DNAH5: variants seen among roughly 807,000 people sequenced by gnomAD.
The protein encoded by DNAH5 is dynein axonemal heavy chain 5.
DNAH5 carries 372 observed loss-of-function variants against 518.2 expected under a neutral mutation model. The ratio of observed to expected loss-of-function variants is 0.72; its 90% CI spans 0.66 to 0.78. DNAH5 has a LOEUF of 0.78. Among genes scored for constraint, DNAH5 ranks in the 30% least tolerant of loss-of-function variants. The pLI, the probability that DNAH5 is intolerant of heterozygous loss-of-function variation, is 0.00. For synonymous variants in DNAH5, 2,039 were observed against 2,025.9 expected, an observed-to-expected ratio of 1.01 and a Z score of -0.17; for missense variants, 5,523 against 5,687.0, an observed-to-expected ratio of 0.97 and a Z score of 0.93.
intron 63 of DNAH5, 148 bp downstream of exon 63, chr5:13,753,085 T>C (rs1345222538): frequency 8.0e-6 from 5 of 626,908 alleles, no homozygotes; most frequent in Non-Finnish European, 1.4e-5. Flanking sequence ...TATTTTTATA[T>C]TAGATTTAAG....
chr5:13,797,825 C>G (rs1245557280), intron 47 of DNAH5, among the ~76,000 whole-genome samples: 1 of 152,106 alleles, frequency 6.6e-6, no homozygotes, highest in Non-Finnish European at 1.5e-5. Flanking sequence ...CAATGATAGA[C>G]TGGATTAAGA....
At chr5:13,943,262 C>A (rs1580996939) in intron 1 of DNAH5, among the ~76,000 whole-genome samples, 2 of 152,122 alleles carry the variant, frequency 1.3e-5, no homozygotes, top group African/African-American at 4.8e-5. Flanking sequence ...TACTATGGAC[C>A]AAGCTCTGTG....
rs778940349 is a variant in DNAH5, at chr5:13,753,594, G to A, written c.10556-45C>T. 1.5e-5 allele frequency: 22 copies of A among 1,504,004 alleles called. No individual in the cohort carries two copies. In the South Asian group the frequency reaches 1.6e-4, roughly 11 times the overall value. 93.2% of individuals were successfully genotyped at this position (1,504,004 alleles called of 1,614,324 possible). ...CCATTGAAATACTTTACGTTCATCC[G>A]TGTGATTGTACAGCATATTAAAAAT... On this transcript the variant is annotated intron_variant, in intron 62 of 78. Transcript: ENST00000265104.
chr5:13,703,478 C>G (rs1225075278), intron 76 of DNAH5, among the ~76,000 whole-genome samples: 1 of 152,176 alleles, frequency 6.6e-6, no homozygotes, highest in African/African-American at 2.4e-5. Context: ...CATAGACTAC[C>G]TTTATTTACT....
chr5:13,849,999 A>G (rs1264134527), intron 31 of DNAH5, among the ~76,000 whole-genome samples: 3 of 152,168 alleles, frequency 2.0e-5, no homozygotes, highest in African/African-American at 7.2e-5. Flanking sequence ...GGCCATCAGG[A>G]TGTATTCATG....
At position 13,920,539 on chromosome 5, in the gene DNAH5, G is replaced by T. The variant is rs368334563; in HGVS notation, c.739C>A (p.Pro247Thr). 3.7e-6 allele frequency: 6 copies of T among 1,614,068 alleles called. No individual in the cohort carries two copies. The highest frequency in any genetic ancestry group is 5.1e-6 in the Non-Finnish European group (6 of 1,179,990). Residue 247 changes from proline to threonine, a missense_variant, in exon 6 of 79, where the codon CCT becomes ACT. Pro to Thr is a conservative substitution (Grantham distance 38). This residue lies in a region of DNAH5 where 5,121 missense variants were observed against 5,223.3 expected (regional missense o/e 0.98). Coordinates refer to ENST00000265104, the MANE Select transcript of DNAH5 (RefSeq NM_001369.3). ...TCCTCTATTTTTCCCAAAGTCTCAG[G>T]GTTATTTGCTAGAGTCAAGTAGTCC... is the stretch of plus-strand genomic sequence containing the variant. ...PTDYLTLANN[P>T]ETLGKIEDCM... is the part of the protein sequence containing the mutation.
chr5:13,716,006 A>C (rs1744235524), intron 74 of DNAH5, among the ~76,000 whole-genome samples: 1 of 152,238 alleles, frequency 6.6e-6, no homozygotes, highest in Non-Finnish European at 1.5e-5. Flanking sequence ...GGAGGTTCTT[A>C]CACAAAGCAG....
At chr5:13,951,217 T>G (rs1271694067) in intron 1 of DNAH5, among the ~76,000 whole-genome samples, 6 of 128,498 alleles carry the variant, frequency 4.7e-5, no homozygotes, top group African/African-American at 5.9e-5. Flanking sequence ...CGTTTTTTTT[T>G]TTTTTTTTTT....
chr5:13,811,004 C>T (rs1760619268), intron 44 of DNAH5, among the ~76,000 whole-genome samples: 1 of 152,100 alleles, frequency 6.6e-6, no homozygotes, highest in South Asian at 2.1e-4. Context: ...GGTATATTCT[C>T]ATGCATCTGT....
intron 34 of DNAH5, among the ~76,000 whole-genome samples, chr5:13,840,679 G>C (rs1173533729): frequency 6.6e-6 from 1 of 152,154 alleles, no homozygotes; most frequent in Non-Finnish European, 1.5e-5. Flanking sequence ...AAACATTTTT[G>C]AATAAAGTCT....
chr5:13,782,829 T>C (rs1003388263), intron 52 of DNAH5, among the ~76,000 whole-genome samples: 1 of 152,200 alleles, frequency 6.6e-6, no homozygotes, highest in South Asian at 2.1e-4. Flanking sequence ...CCTCATAATC[T>C]AGTTAAATCC....
chr5:13,707,214 C>G lies in DNAH5; in HGVS notation c.13338+909G>C, dbSNP rs573159509. On this transcript the variant is annotated intron_variant, in intron 76 of 78. Transcript: ENST00000265104. The surrounding 1 kb of genome is among the most constrained non-coding windows in gnomAD (Gnocchi z 4.0). ...GCATGGTCAGAGAAGAGTCCGGTCACTGGGCGGCCCAACTCCAGGGGAAGA... is the reference window on the plus strand; with the variant it reads ...GCATGGTCAGAGAAGAGTCCGGTCAGTGGGCGGCCCAACTCCAGGGGAAGA... Among the ~76,000 whole-genome samples the G allele has an allele frequency of 4.6e-5, 7 of 152,344 alleles. No homozygotes were observed. The highest frequency in any genetic ancestry group is 1.7e-4 in the African/African-American group (7 of 41,572).
In DNAH5 at chr5:13,794,063, GA is replaced by G. The variant is rs745582136; in HGVS notation, c.7888-6del. ...CACATAGCTCTCTATCGTCCTCTGTGAAAAAAAAATCAACTGAAACATCTGT... is the reference window on the plus strand; with the variant it reads ...CACATAGCTCTCTATCGTCCTCTGTGAAAAAAAATCAACTGAAACATCTGT... On this transcript the variant is annotated splice_polypyrimidine_tract_variant and splice_region_variant and intron_variant, in intron 47 of 78. Transcript: ENST00000265104. 1.6e-5 allele frequency: 25 copies of G among 1,608,208 alleles called. No individual in the cohort carries two copies. The highest frequency in any genetic ancestry group is 8.4e-5 in the Admixed American group (5 of 59,556).
intron 15 of DNAH5, among the ~76,000 whole-genome samples, chr5:13,895,542 C>A (rs569813654): frequency 6.6e-6 from 1 of 152,148 alleles, no homozygotes; most frequent in Non-Finnish European, 1.5e-5. Context: ...ACACCCATCA[C>A]CCAAAACATG....
chr5:13,788,953 T>C (rs1383401238), intron 50 of DNAH5, 39 bp from the exon 51 acceptor site: 2 of 1,575,968 alleles, frequency 1.3e-6, no homozygotes, highest in South Asian at 2.2e-5. Context: ...GTAATTCCTG[T>C]TATGCCGTAA....
At chr5:13,956,455 A>T (rs1029794664) in intron 1 of DNAH5, among the ~76,000 whole-genome samples, 1 of 152,154 alleles carries the variant, frequency 6.6e-6, no homozygotes, top group Admixed American at 6.5e-5. Flanking sequence ...ATCCCCTTGA[A>T]GGTGTCCTTT....
intron 78 of DNAH5, among the ~76,000 whole-genome samples, chr5:13,694,317 C>G (rs549170769): frequency 9.8e-5 from 15 of 152,312 alleles, no homozygotes; most frequent in East Asian, 5.8e-4. Context: ...CAAGTCACAG[C>G]GTGCAGCAAA....
intron 65 of DNAH5, among the ~76,000 whole-genome samples, chr5:13,748,234 C>T (rs1749684634): frequency 6.6e-6 from 1 of 152,188 alleles, no homozygotes; most frequent in African/African-American, 2.4e-5. Context: ...TTCCATTGGT[C>T]TGTATCTCTG....
At chr5:13,722,440 A>G (rs1283581378) in intron 70 of DNAH5, among the ~76,000 whole-genome samples, 1 of 152,196 alleles carries the variant, frequency 6.6e-6, no homozygotes, top group African/African-American at 2.4e-5. Flanking sequence ...GTGGGTTACA[A>G]TGAGAGAGAA....
Sources: gnomAD v4.1 joint callset for allele counts (sites outside exome capture counted in the v4.1 genomes callset) on GRCh38, gnomAD v4.1.1 for gene constraint, gnomAD v4.1.1 regional missense constraint, Gnocchi (gnomAD v3.1) non-coding constraint, MANE v1.5 for transcripts, NCBI Gene and HGNC (gene_info 2026-07-23, HGNC 2026-07-21) for gene names.